The following PPA1 variants were observed in gnomAD, a reference collection of about 807,000 sequenced individuals.
PPA1 encodes inorganic pyrophosphatase.
Under a neutral mutation model 41.8 loss-of-function variants are expected in PPA1, and 23 were observed. That is an observed-to-expected ratio of 0.55 (90% CI 0.40 to 0.78). The LOEUF (loss-of-function observed/expected upper bound fraction) is 0.78, where lower values mean the gene tolerates loss of function less well. Among genes scored for constraint, PPA1 ranks in the 30% least tolerant of loss-of-function variants. The pLI, the probability that PPA1 is intolerant of heterozygous loss-of-function variation, is 0.00. For synonymous variants in PPA1, 101 were observed against 116.8 expected (o/e 0.86, Z 0.87); for missense variants, 320 against 361.6 (o/e 0.89, Z 0.93).
intron 4 of PPA1, among the ~76,000 whole-genome samples, chr10:70,217,438 T>C (rs531257940): frequency 6.6e-6 from 1 of 152,320 alleles, no homozygotes; most frequent in South Asian, 2.1e-4. Flanking sequence ...ATTGGCCATC[T>C]TGGGATTTGA....
At position 70,220,644 on chromosome 10, in the gene PPA1, AATT is replaced by A. The variant is rs1564584088; in HGVS notation, c.124-1830_124-1828del. 6.4e-4 allele frequency among the ~76,000 whole-genome samples: 4 copies of A among 6,258 alleles called. 2 individuals are homozygous for A. Among genetic ancestry groups the A allele is most frequent in the Non-Finnish European group, 1.0e-3 (4 of 3,872 alleles). The allele number at this position is 6,258 out of a possible 152,430, so 4.1% of individuals were successfully genotyped here. Reference sequence around the variant, plus strand: ...TAATTTATATATATATAATATATATAATTTATATATATATTATATATAATTTAT... The same window carrying A: ...TAATTTATATATATATAATATATATATATATATATATTATATATAATTTAT... On this transcript the variant is annotated intron_variant, in intron 2 of 10. Transcript: ENST00000373232.
At chr10:70,226,103 CTTA>C (rs989326513) in intron 2 of PPA1, among the ~76,000 whole-genome samples, 6 of 152,150 alleles carry the variant, frequency 3.9e-5, no homozygotes, top group Non-Finnish European at 8.8e-5. Context: ...AGATCATTAA[CTTA>C]TTAAAGTAAA....
At position 70,217,920 on chromosome 10, in the gene PPA1, C is replaced by A. The variant is rs1285469216; in HGVS notation, c.189G>T (p.Lys63Asn). The change falls in exon 4 of 11, where the codon AAG (lysine) becomes AAT (asparagine). Residue 63 changes from lysine (K) to asparagine (N), a missense_variant. Lys to Asn is a moderately conservative substitution (Grantham distance 94). Transcript: ENST00000373232. Reference protein sequence around the residue: ...WSNAKMEIATKDPLNPIKQDV... With the variant: ...WSNAKMEIATNDPLNPIKQDV... ...CTTGTTTAATAGGGTTTAAAGGGTC[C>A]TTTGTAGCAATCTGAAATAAGAAAA... The A allele has an allele frequency of 3.8e-6, 6 of 1,560,722 alleles. No homozygotes were observed. The highest frequency in any genetic ancestry group is 5.2e-6 in the Non-Finnish European group (6 of 1,151,998).
chr10:70,205,127 A>G, intron 9 of PPA1: 1 of 367,178 alleles, frequency 2.7e-6, no homozygotes, highest in East Asian at 4.5e-5. Flanking sequence ...GCTCATGCCC[A>G]TAATCCCAAC....
intron 2 of PPA1, among the ~76,000 whole-genome samples, chr10:70,221,410 A>T (rs943994996): frequency 1.3e-5 from 2 of 152,092 alleles, no homozygotes; most frequent in Admixed American, 1.3e-4. Context: ...CTGATACCTC[A>T]CTTACCCAAT....
chr10:70,227,559 G>A (rs1217732002), intron 2 of PPA1, among the ~76,000 whole-genome samples: 1 of 149,472 alleles, frequency 6.7e-6, no homozygotes, highest in African/African-American at 2.5e-5. Context: ...GCTGGAGCAG[G>A]AGGATCACTT....
chr10:70,232,862 C>T (rs565531108), intron 1 of PPA1, among the ~76,000 whole-genome samples: 3 of 151,948 alleles, frequency 2.0e-5, no homozygotes, highest in Admixed American at 6.6e-5. Flanking sequence ...CTGCCCCCCC[C>T]GGCCCGGAGT....
At chr10:70,204,129 G>C (rs1839910313) in intron 10 of PPA1, 2 of 152,374 alleles carry the variant, frequency 1.3e-5, no homozygotes, top group Non-Finnish European at 2.9e-5. Context: ...GCCAGCCTGG[G>C]TGACATGGCG....
At chr10:70,233,121 G>A (rs1357895297) in intron 1 of PPA1, 143 bp downstream of exon 1, 2 of 932,760 alleles carry the variant, frequency 2.1e-6, no homozygotes, top group Non-Finnish European at 1.5e-6. Context: ...ATGTGAGGCC[G>A]GCCAGGCCCC....
chr10:70,214,496 T>G lies in PPA1; in HGVS notation c.384+4A>C, dbSNP rs1450339944. ...CTAAAGAAAAAAATGTCACATTTCA[T>G]TACCTTGCTTCCAATTTCACACACA... On this transcript the variant is annotated splice_donor_region_variant and intron_variant, in intron 5 of 10. Transcript: ENST00000373232. The G allele has an allele frequency of 6.2e-7, 1 of 1,609,208 alleles. No individual in the cohort carries two copies. The highest frequency in any genetic ancestry group is 1.1e-5 in the South Asian group (1 of 90,330).
intron 3 of PPA1, 80 bp downstream of exon 3, chr10:70,218,684 G>T: frequency 1.8e-6 from 2 of 1,124,482 alleles, no homozygotes; most frequent in South Asian, 1.3e-5. Flanking sequence ...ACGTTCAGAT[G>T]GTTCATCCTT....
intron 2 of PPA1, among the ~76,000 whole-genome samples, chr10:70,219,934 A>G (rs1228024696): frequency 6.6e-6 from 1 of 152,130 alleles, no homozygotes; most frequent in Non-Finnish European, 1.5e-5. Flanking sequence ...AAGGGCACAG[A>G]TGAAGCTAAA....
rs1564587760 is a variant in PPA1, at chr10:70,233,353, T to C, written c.-26A>G. 6.5e-7 allele frequency: 1 copy of C among 1,532,272 alleles called. No homozygotes were observed. The highest frequency in any genetic ancestry group is 2.5e-5 in the East Asian group (1 of 39,604). The allele number at this position is 1,532,272 out of a possible 1,614,324, so 94.9% of individuals were successfully genotyped here. A position where few individuals can be genotyped will look rare whatever the true frequency, so the allele number is the denominator to read the frequency against. On this transcript the variant is annotated 5_prime_UTR_variant, in exon 1 of 11. Coordinates refer to ENST00000373232, the MANE Select transcript of PPA1 (RefSeq NM_021129.4). ...AGTGCCGGAGTCCTGCCGCCGCCGC[T>C]GCCACAGAGCCACCAGCCCGCACGC...
At chr10:70,208,448 C>T (rs1839973719) in intron 8 of PPA1, among the ~76,000 whole-genome samples, 1 of 151,790 alleles carries the variant, frequency 6.6e-6, no homozygotes, top group South Asian at 2.1e-4. Flanking sequence ...AAGTGATCTT[C>T]CCACCTCAGC....
chr10:70,210,304 T>G, intron 6 of PPA1: 1 of 1,199,556 alleles, frequency 8.3e-7, no homozygotes, highest in Non-Finnish European at 1.1e-6. Flanking sequence ...CTCAAACTCC[T>G]GGGCTCAAGC....
chr10:70,212,870 G>A (rs990814605), intron 6 of PPA1, among the ~76,000 whole-genome samples: 2 of 149,116 alleles, frequency 1.3e-5, no homozygotes, highest in Admixed American at 6.7e-5. Flanking sequence ...ACTACAATAC[G>A]GATGAATCCT....
chr10:70,217,634 T>A (rs368300286), intron 4 of PPA1, among the ~76,000 whole-genome samples, 178 bp downstream of exon 4: 1 of 152,258 alleles, frequency 6.6e-6, no homozygotes, highest in Non-Finnish European at 1.5e-5. Context: ...AAATATTTAG[T>A]TTATCTTGAA....
chr10:70,213,874 A>AT (rs1203274723), intron 5 of PPA1, among the ~76,000 whole-genome samples: 1 of 152,218 alleles, frequency 6.6e-6, no homozygotes, highest in Non-Finnish European at 1.5e-5. Context: ...ATACTGAAGA[A>AT]TAAGTCCTCC....
At chr10:70,203,578 A>ATTT (rs56837347) in intron 10 of PPA1, 10,841 of 162,882 alleles carry the variant, frequency 0.067, 833 homozygotes, top group African/African-American at 0.2. Context: ...AAATTTTTGT[A>ATTT]TTTTTTTTTT....
Sources: allele counts gnomAD v4.1 joint callset (sites outside exome capture counted in the v4.1 genomes callset), GRCh38; gene constraint gnomAD v4.1.1; transcripts MANE v1.5; gene names NCBI Gene and HGNC (gene_info 2026-07-23, HGNC 2026-07-21).